Variants in REDIC1 observed in about 807,000 individuals in gnomAD.
REDIC1 encodes HEI10 Interacting Protein 1.
At chr12:39,892,615 A>G in the REDIC1 span, among the ~76,000 whole-genome samples, 1 of 152,202 alleles carries the variant, frequency 6.6e-6, no homozygotes, top group Non-Finnish European at 1.5e-5. Context: ...TATTTCTTCA[A>G]ACAGATTCTT....
the REDIC1 span, among the ~76,000 whole-genome samples, chr12:39,881,474 G>A: frequency 4.8e-3 from 737 of 152,244 alleles, 7 homozygotes; most frequent in African/African-American, 0.017. Context: ...AATCTTGTCA[G>A]ACAACACTTT....
At chr12:39,707,755 G>A in the REDIC1 span, among the ~76,000 whole-genome samples, 1 of 151,716 alleles carries the variant, frequency 6.6e-6, no homozygotes, top group South Asian at 2.1e-4. Flanking sequence ...TTTTTAAAAA[G>A]TTTTTTTCTG....
chr12:39,898,907 AGG>A, the REDIC1 span, among the ~76,000 whole-genome samples: 2 of 152,198 alleles, frequency 1.3e-5, no homozygotes, highest in African/African-American at 4.8e-5. Context: ...GAAAAAGGAA[AGG>A]AGAGAAGGAA....
At chr12:39,851,018 GCCT>G in the REDIC1 span, among the ~76,000 whole-genome samples, 1 of 151,776 alleles carries the variant, frequency 6.6e-6, no homozygotes, top group Admixed American at 6.6e-5. Flanking sequence ...TCTTGCCTCA[GCCT>G]CCTGAGTAGC....
At chr12:39,708,764 TTTA>T in the REDIC1 span, among the ~76,000 whole-genome samples, 1 of 151,852 alleles carries the variant, frequency 6.6e-6, no homozygotes, top group African/African-American at 2.4e-5. Context: ...CCATACCGCT[TTTA>T]TTATCTTTTT....
At chr12:39,861,088 C>A in the REDIC1 span, among the ~76,000 whole-genome samples, 8 of 152,238 alleles carry the variant, frequency 5.3e-5, no homozygotes, top group African/African-American at 1.9e-4. Flanking sequence ...ACGTTCCTTA[C>A]TGCCTTGCAG....
the REDIC1 span, among the ~76,000 whole-genome samples, chr12:39,709,288 G>T: frequency 1.3e-5 from 2 of 148,994 alleles, no homozygotes; most frequent in African/African-American, 2.5e-5. Flanking sequence ...TGATGAATCA[G>T]TAATTTGGGA....
the REDIC1 span, among the ~76,000 whole-genome samples, chr12:39,679,569 C>A: frequency 6.6e-6 from 1 of 152,124 alleles, no homozygotes; most frequent in Non-Finnish European, 1.5e-5. Flanking sequence ...ACCATACTGC[C>A]AAAAGCAATC....
chr12:39,862,394 G>T, the REDIC1 span, among the ~76,000 whole-genome samples: 1 of 152,094 alleles, frequency 6.6e-6, no homozygotes, highest in African/African-American at 2.4e-5. Context: ...CATCACTGTG[G>T]TCTATAGATT....
chr12:39,803,568 A>G, the REDIC1 span, among the ~76,000 whole-genome samples: 23 of 152,332 alleles, frequency 1.5e-4, no homozygotes, highest in African/African-American at 5.1e-4. Context: ...ATACACACAC[A>G]TACACACACA....
chr12:39,799,546 ATAAAG>A, the REDIC1 span, among the ~76,000 whole-genome samples: 4 of 152,180 alleles, frequency 2.6e-5, no homozygotes, highest in South Asian at 2.1e-4. Flanking sequence ...AGTAAATCAA[ATAAAG>A]TAAACAAGAA....
chr12:39,683,350 T>G, the REDIC1 span: 1 of 1,266,946 alleles, frequency 7.9e-7, no homozygotes. Context: ...GAATATGCTT[T>G]GAATTAAAAA....
chr12:39,636,802 T>A, the REDIC1 span, among the ~76,000 whole-genome samples: 1 of 152,092 alleles, frequency 6.6e-6, no homozygotes, highest in Non-Finnish European at 1.5e-5. Context: ...GGTGTTTATA[T>A]GACACTCATA....
the REDIC1 span, among the ~76,000 whole-genome samples, chr12:39,713,083 GTA>G: frequency 1.3e-5 from 2 of 148,220 alleles, no homozygotes; most frequent in Admixed American, 6.7e-5. Flanking sequence ...GTGCATACGT[GTA>G]TGTGTAGATA....
At chr12:39,720,104 C>G in the REDIC1 span, among the ~76,000 whole-genome samples, 1 of 151,692 alleles carries the variant, frequency 6.6e-6, no homozygotes, top group Non-Finnish European at 1.5e-5. Context: ...AAAATTTATG[C>G]TTAGAAAATT....
the REDIC1 span, among the ~76,000 whole-genome samples, chr12:39,893,604 C>T: frequency 1.1e-4 from 17 of 152,172 alleles, no homozygotes; most frequent in East Asian, 1.5e-3. Flanking sequence ...CCAGGCCTAC[C>T]GCTCTTTTCT....
chr12:39,710,194 T>C, the REDIC1 span, among the ~76,000 whole-genome samples: 1 of 151,918 alleles, frequency 6.6e-6, no homozygotes, highest in Admixed American at 6.6e-5. Context: ...AATTTAATAC[T>C]TTTTAAGTAT....
chr12:39,685,014 A>C, the REDIC1 span: 2 of 902,700 alleles, frequency 2.2e-6, no homozygotes, highest in African/African-American at 3.4e-5. Flanking sequence ...ACTTTGATTT[A>C]AGCTTAACAT....
chr12:39,716,956 T>G, the REDIC1 span: 695 of 591,782 alleles, frequency 1.2e-3, 2 homozygotes, highest in Non-Finnish European at 1.6e-3. Context: ...AAGTAAAAAT[T>G]AATATAAACA....
Sources: gnomAD v4.1 joint callset for allele counts (sites outside exome capture counted in the v4.1 genomes callset) on GRCh38, gnomAD v4.1.1 for gene constraint, MANE v1.5 for transcripts, NCBI Gene and HGNC (gene_info 2026-07-23, HGNC 2026-07-21) for gene names.